Variants in TACR1 observed in about 807,000 individuals in gnomAD.
TACR1 encodes substance-P receptor.
A neutral mutation model predicts 35.8 loss-of-function variants in TACR1; 25 were observed. That is an observed-to-expected ratio of 0.70 (90% CI 0.51 to 0.98). TACR1 has a LOEUF of 0.98. Among genes scored for constraint, TACR1 ranks in the 50% least tolerant of loss-of-function variants. The pLI is 0.00. For synonymous variants in TACR1, 195 were observed against 206.7 expected (o/e 0.94, Z 0.48); for missense variants, 478 against 522.9 (o/e 0.91, Z 0.84).
chr2:75,098,412 T>C (rs1673466565), intron 2 of TACR1, among the ~76,000 whole-genome samples: 1 of 152,208 alleles, frequency 6.6e-6, no homozygotes, highest in African/African-American at 2.4e-5. Flanking sequence ...ACATTGGGTT[T>C]GTTTCTAGTT....
chr2:75,121,411 T>C (rs1489284415), intron 1 of TACR1, among the ~76,000 whole-genome samples: 1 of 152,170 alleles, frequency 6.6e-6, no homozygotes, highest in African/African-American at 2.4e-5. Context: ...GCAGACAGAC[T>C]AGAGTGCACA....
intron 1 of TACR1, among the ~76,000 whole-genome samples, chr2:75,158,619 G>C (rs1269926677): frequency 6.6e-6 from 1 of 152,156 alleles, no homozygotes; most frequent in Non-Finnish European, 1.5e-5. Flanking sequence ...ATTAATTTTT[G>C]TTGAAATGCC....
Position 75,051,454 on chromosome 2 carries a change from A to G in TACR1, c.736-7T>C. ...CAATCATCATTTTGACCACCTGGCAAGAGGGTGAGACAGGTGAGACCACCA... is the reference window on the plus strand; with the variant it reads ...CAATCATCATTTTGACCACCTGGCAGGAGGGTGAGACAGGTGAGACCACCA... On this transcript the variant is annotated splice_region_variant and splice_polypyrimidine_tract_variant and intron_variant, in intron 3 of 4. Coordinates refer to ENST00000305249, the MANE Select transcript of TACR1 (RefSeq NM_001058.4). 6.2e-7 allele frequency: 1 copy of G among 1,613,692 alleles called. No individual in the cohort carries two copies. The highest frequency in any genetic ancestry group is 8.5e-7 in the Non-Finnish European group (1 of 1,179,828).
chr2:75,054,015 A>T (rs573063438), intron 2 of TACR1, among the ~76,000 whole-genome samples: 39 of 151,490 alleles, frequency 2.6e-4, no homozygotes, highest in Admixed American at 1.2e-3. Flanking sequence ...TGTTCAGATT[A>T]AAAAAAAAGA....
intron 1 of TACR1, chr2:75,188,360 G>A (rs769368564): frequency 1.5e-4 from 23 of 152,060 alleles, no homozygotes; most frequent in Non-Finnish European, 2.8e-4. Flanking sequence ...ATCTCCTCAC[G>A]TGCCACTCAA....
chr2:75,084,078 C>G (rs1211679403), intron 2 of TACR1, among the ~76,000 whole-genome samples: 9 of 152,188 alleles, frequency 5.9e-5, no homozygotes. Context: ...ATAAATAGCT[C>G]TTATTATTTT....
intron 2 of TACR1, among the ~76,000 whole-genome samples, chr2:75,115,084 CGTGTGTGTGTGTGTGTGT>C (rs3079164): frequency 6.7e-6 from 1 of 148,774 alleles, no homozygotes; most frequent in South Asian, 2.2e-4. Flanking sequence ...TGTTAACATA[CGTGTGTGTGTGTGTGTGT>C]GTGTGTGTGT....
intron 1 of TACR1, among the ~76,000 whole-genome samples, chr2:75,176,585 G>A (rs1675425338): frequency 6.6e-6 from 1 of 152,036 alleles, no homozygotes; most frequent in Non-Finnish European, 1.5e-5. Flanking sequence ...GATTTCTGGG[G>A]GAGGCCGCTA....
At chr2:75,167,002 T>C (rs1360948112) in intron 1 of TACR1, among the ~76,000 whole-genome samples, 1 of 152,188 alleles carries the variant, frequency 6.6e-6, no homozygotes, top group Non-Finnish European at 1.5e-5. Context: ...CATTGGATTT[T>C]TAAAAAATAT....
intron 2 of TACR1, 141 bp from the exon 3 acceptor site, chr2:75,053,896 A>AAG: frequency 9.0e-7 from 1 of 1,108,710 alleles, no homozygotes; most frequent in Non-Finnish European, 1.3e-6. Context: ...TGTAAAGCCC[A>AAG]CTCCAGGGAG....
rs1676075552 is a variant in TACR1 at position 75,199,347 on chromosome 2, C to T, written c.-413G>A. The T allele has an allele frequency of 5.5e-6, 1 of 183,168 alleles. No homozygotes were observed. The highest frequency in any genetic ancestry group is 1.2e-5 in the Non-Finnish European group (1 of 85,114). The allele number at this position is 183,168 out of a possible 1,614,324, so 11.3% of individuals were successfully genotyped here. On this transcript the variant is annotated 5_prime_UTR_variant, in exon 1 of 5. Coordinates refer to ENST00000305249, the MANE Select transcript of TACR1 (RefSeq NM_001058.4). The stretch of plus-strand genomic sequence containing the variant: ...CAGGGAAAGGCAAAGCCCTGTGCTG[C>T]GTGAGGACTTAGGAGCGAAGTGGGG...
intron 1 of TACR1, among the ~76,000 whole-genome samples, chr2:75,154,991 T>G (rs1292471428): frequency 6.6e-6 from 1 of 152,122 alleles, no homozygotes; most frequent in Non-Finnish European, 1.5e-5. Context: ...GTCTCCAAAT[T>G]CACACTGAGC....
At chr2:75,161,204 C>T (rs139816917) in intron 1 of TACR1, among the ~76,000 whole-genome samples, 1 of 151,848 alleles carries the variant, frequency 6.6e-6, no homozygotes, top group African/African-American at 2.4e-5. Flanking sequence ...TAGGGATAAA[C>T]GGTTGAGAAG....
rs768630359 is a variant in TACR1 at position 75,049,530 on chromosome 2, T to A, written c.1126A>T (p.Thr376Ser). 1 of 1,614,066 alleles carries A rather than the reference T, an allele frequency of 6.2e-7. No individual in the cohort carries two copies. The highest frequency in any genetic ancestry group is 8.5e-7 in the Non-Finnish European group (1 of 1,179,998). ...GAGGTCAGGTCCAGGGACGAGGGTG[T>A]GGCCTTGGGGCCGTCCTCTGGCTCC... ...EEEPEDGPKATPSSLDLTSNC... is the reference protein window; with the variant it reads ...EEEPEDGPKASPSSLDLTSNC... Residue 376 changes from threonine (T) to serine (S), a missense_variant, in exon 5 of 5, where the codon ACA (threonine) becomes TCA (serine). Thr to Ser is a moderately conservative substitution (Grantham distance 58). Coordinates refer to ENST00000305249, the MANE Select transcript of TACR1 (RefSeq NM_001058.4).
intron 2 of TACR1, among the ~76,000 whole-genome samples, chr2:75,113,053 T>C (rs1673781738): frequency 1.3e-5 from 2 of 152,222 alleles, no homozygotes; most frequent in South Asian, 4.1e-4. Context: ...TTCTGTGCTC[T>C]TGAAGAGCTT....
intron 1 of TACR1, chr2:75,188,846 C>T (rs1401279241): frequency 6.6e-6 from 1 of 152,166 alleles, no homozygotes; most frequent in African/African-American, 2.4e-5. Flanking sequence ...TGGAACCATA[C>T]TAAGAGCCTG....
intron 1 of TACR1, among the ~76,000 whole-genome samples, chr2:75,192,372 C>A (rs1055514144): frequency 1.3e-5 from 2 of 152,094 alleles, no homozygotes; most frequent in East Asian, 3.8e-4. Flanking sequence ...AGTCCAAAAC[C>A]AAAGAGGCAA....
intron 1 of TACR1, among the ~76,000 whole-genome samples, chr2:75,134,219 C>G (rs549481689): frequency 3.9e-5 from 6 of 152,322 alleles, no homozygotes; most frequent in African/African-American, 1.4e-4. Flanking sequence ...CTTGCTTTCA[C>G]TTTATGGACT....
rs148482830 is a variant in TACR1 at position 75,133,677 on chromosome 2, T to G, written c.390-12909A>C. ...CTATCCAGGATCCTCACACTCACTG[T>G]CAACAATGAGTGCAAACTTCTTTTC... is the stretch of plus-strand genomic sequence containing the variant. On this transcript the variant is annotated intron_variant, in intron 1 of 4. Coordinates refer to ENST00000305249, the MANE Select transcript of TACR1 (RefSeq NM_001058.4). 2.0e-5 allele frequency among the ~76,000 whole-genome samples: 3 copies of G among 152,306 alleles called. 1 individual carries two copies. In the East Asian group the frequency reaches 5.8e-4, roughly 29 times the overall value.
Sources: allele counts gnomAD v4.1 joint callset (sites outside exome capture counted in the v4.1 genomes callset), GRCh38; gene constraint gnomAD v4.1.1; transcripts MANE v1.5; gene names NCBI Gene and HGNC (gene_info 2026-07-23, HGNC 2026-07-21).